The following NFIB variants were observed in gnomAD, a reference collection of about 807,000 sequenced individuals.
NFIB encodes nuclear factor I B.
In NFIB, 11 loss-of-function variants were observed where a neutral mutation model predicts 61.5. That is an observed-to-expected ratio of 0.18 (90% CI 0.11 to 0.30). The LOEUF is 0.30. Ranked by LOEUF, NFIB falls within the 10% of genes least tolerant of loss-of-function variation. The probability of loss-of-function intolerance (pLI) is 1.00; values close to 1 mark genes in which losing one functional copy is unlikely to be tolerated. For missense variants in NFIB, 471 were observed against 608.9 expected, an observed-to-expected ratio of 0.77 and a Z score of 2.38; for synonymous variants, 260 against 216.5, an observed-to-expected ratio of 1.20 and a Z score of -1.76.
chr9:14,305,003 A>T (rs1350035573), intron 2 of NFIB, among the ~76,000 whole-genome samples: 1 of 152,258 alleles, frequency 6.6e-6, no homozygotes, highest in Non-Finnish European at 1.5e-5. Flanking sequence ...TAAAATAATG[A>T]AAAGTTCTTA....
intron 3 of NFIB, 86 bp downstream of exon 3, chr9:14,179,641 G>A (rs909905168): frequency 1.4e-6 from 2 of 1,429,716 alleles, no homozygotes; most frequent in African/African-American, 1.4e-5. Context: ...ATAGGCAGCT[G>A]ACCAATTATG....
the NFIB span, among the ~76,000 whole-genome samples, chr9:14,412,722 A>T: frequency 1.3e-5 from 2 of 152,152 alleles, no homozygotes; most frequent in African/African-American, 4.8e-5. Context: ...AGAGATGCAG[A>T]CTGTGAAGGC....
At chr9:14,179,207 A>C (rs1380137712) in intron 3 of NFIB, among the ~76,000 whole-genome samples, 1 of 152,108 alleles carries the variant, frequency 6.6e-6, no homozygotes, top group Non-Finnish European at 1.5e-5. Flanking sequence ...CCTTATGCTA[A>C]AGAAAAAAAA....
chr9:14,339,890 T>C (rs1428849505), intron 1 of NFIB, among the ~76,000 whole-genome samples: 1 of 152,226 alleles, frequency 6.6e-6, no homozygotes, highest in Non-Finnish European at 1.5e-5. Flanking sequence ...GTCAGTGGCA[T>C]GCAGGAGTAA....
intron 1 of NFIB, among the ~76,000 whole-genome samples, chr9:14,354,048 G>A (rs2061147350): frequency 1.3e-5 from 2 of 152,150 alleles, no homozygotes; most frequent in South Asian, 4.1e-4. Context: ...GTTACAGTAA[G>A]ATGTCTGTAA....
the NFIB span, among the ~76,000 whole-genome samples, chr9:14,404,589 C>T: frequency 1.3e-5 from 2 of 152,116 alleles, no homozygotes; most frequent in South Asian, 4.1e-4. Flanking sequence ...TTATGAGTTA[C>T]GATTGAGGGC....
intron 1 of NFIB, among the ~76,000 whole-genome samples, chr9:14,335,565 T>C (rs1236170683): frequency 5.9e-5 from 9 of 152,232 alleles, no homozygotes; most frequent in Admixed American, 5.9e-4. Context: ...AATTTTTAAG[T>C]TTTTTGTATA....
intron 2 of NFIB, among the ~76,000 whole-genome samples, chr9:14,289,126 A>C (rs1185535492): frequency 7.0e-6 from 1 of 142,782 alleles, no homozygotes. Flanking sequence ...GTATATGTAT[A>C]TATATATATA....
At chr9:14,219,642 TTTTG>T (rs2051399811) in intron 2 of NFIB, among the ~76,000 whole-genome samples, 1 of 152,184 alleles carries the variant, frequency 6.6e-6, no homozygotes, top group African/African-American at 2.4e-5. Flanking sequence ...TTTTGTTTTG[TTTTG>T]TTTCTTTTAC....
the NFIB span, among the ~76,000 whole-genome samples, chr9:14,459,114 C>G: frequency 0.41 from 61,195 of 149,882 alleles, 13,238 homozygotes; most frequent in Admixed American, 0.53. Flanking sequence ...TGACTTCAAA[C>G]TATACTACAA....
the NFIB span, among the ~76,000 whole-genome samples, chr9:14,409,799 A>G: frequency 2.6e-5 from 4 of 152,266 alleles, no homozygotes; most frequent in African/African-American, 4.8e-5. Context: ...GACTTGAAGT[A>G]TAATTAATAT....
rs140266368 is a variant in NFIB, at chr9:14,383,709, T to G, written c.108+14815A>C. 4.4e-3 allele frequency among the ~76,000 whole-genome samples: 674 copies of G among 152,370 alleles called. 3 individuals are homozygous for G. The highest frequency in any genetic ancestry group is 0.015 in the African/African-American group (631 of 41,588). Reference sequence around the variant, plus strand: ...AGAATTTGATCACTTTGTGTTTTCCTGCACCTTTCATCATGGCAGAGAGCG... The same window carrying G: ...AGAATTTGATCACTTTGTGTTTTCCGGCACCTTTCATCATGGCAGAGAGCG... On this transcript the variant is annotated intron_variant, in intron 1 of 8. Transcript: ENST00000380934.
At chr9:14,317,774 G>A (rs957203800), upstream of NFIB, among the ~76,000 whole-genome samples, 3 of 152,120 alleles carry the variant, frequency 2.0e-5, no homozygotes, top group South Asian at 4.1e-4. Flanking sequence ...GGTGGATTTC[G>A]GTGCATGGGA....
At chr9:14,167,866 C>G (rs2045069745) in intron 3 of NFIB, among the ~76,000 whole-genome samples, 1 of 152,134 alleles carries the variant, frequency 6.6e-6, no homozygotes, top group South Asian at 2.1e-4. Context: ...AACAAAAGCA[C>G]AAAAGCAGCA....
At chr9:14,117,421 G>C (rs993194734) in intron 8 of NFIB, among the ~76,000 whole-genome samples, 1 of 151,946 alleles carries the variant, frequency 6.6e-6, no homozygotes, top group Admixed American at 6.6e-5. Context: ...CCACTGCACG[G>C]TGTTCATCGC....
chr9:14,141,800 C>T (rs2041735212), intron 6 of NFIB, among the ~76,000 whole-genome samples: 1 of 150,566 alleles, frequency 6.6e-6, no homozygotes, highest in Admixed American at 6.6e-5. Flanking sequence ...GTTCAAATTT[C>T]CATTTAGAAA....
intron 1 of NFIB, among the ~76,000 whole-genome samples, chr9:14,384,298 T>C (rs944561319): frequency 2.6e-5 from 4 of 152,274 alleles, no homozygotes; most frequent in African/African-American, 7.2e-5. Context: ...TATTTGGCTC[T>C]CTCCTCTAGA....
At chr9:14,301,783 CTG>C (rs2059766526) in intron 2 of NFIB, among the ~76,000 whole-genome samples, 4 of 152,256 alleles carry the variant, frequency 2.6e-5, no homozygotes, top group South Asian at 2.1e-4. Context: ...TGGTGGGAGA[CTG>C]TGTTTTCTTA....
chr9:14,240,676 G>A (rs1392212205), intron 2 of NFIB, among the ~76,000 whole-genome samples: 1 of 152,164 alleles, frequency 6.6e-6, no homozygotes. Context: ...ACACTTGGCA[G>A]CATGTCTAAA....
Sources: gnomAD v4.1 joint callset for allele counts (sites outside exome capture counted in the v4.1 genomes callset) on GRCh38, gnomAD v4.1.1 for gene constraint, MANE v1.5 for transcripts, NCBI Gene and HGNC (gene_info 2026-07-23, HGNC 2026-07-21) for gene names.